Variants in LRRC4C observed in about 807,000 individuals in gnomAD.
LRRC4C encodes leucine rich repeat containing 4C.
In LRRC4C, 5 loss-of-function variants were observed where a neutral mutation model predicts 33.6. The ratio of observed to expected loss-of-function variants is 0.15; its 90% confidence interval spans 0.08 to 0.31. The LOEUF is 0.31. LRRC4C is among the 10% of genes least tolerant of loss of function. The pLI is 1.00. For missense variants in LRRC4C, 560 were observed against 796.7 expected (o/e 0.70, Z 3.58); for synonymous variants, 329 against 302.0 (o/e 1.09, Z -0.93).
chr11:41,167,357 C>T (rs547532932), intron 1 of LRRC4C, among the ~76,000 whole-genome samples: 5 of 152,240 alleles, frequency 3.3e-5, no homozygotes, highest in South Asian at 2.1e-4. Flanking sequence ...GGACAATGAC[C>T]GTGATGATGC....
chr11:41,149,220 C>A (rs1204149567), intron 1 of LRRC4C, among the ~76,000 whole-genome samples: 2 of 152,174 alleles, frequency 1.3e-5, no homozygotes, highest in East Asian at 3.9e-4. Flanking sequence ...AAATGAAGGG[C>A]TGAGGCCGGG....
intron 2 of LRRC4C, among the ~76,000 whole-genome samples, chr11:40,863,317 C>T (rs780363783): frequency 1.3e-5 from 2 of 152,128 alleles, no homozygotes; most frequent in Admixed American, 1.3e-4. Context: ...ATAAAATTTT[C>T]CAAGAAAATG....
At chr11:41,207,802 C>A (rs1423756340) in intron 1 of LRRC4C, among the ~76,000 whole-genome samples, 2 of 152,170 alleles carry the variant, frequency 1.3e-5, no homozygotes, top group Non-Finnish European at 2.9e-5. Flanking sequence ...TCCACCCACT[C>A]TGTAGTATTT....
At chr11:40,772,726 A>G (rs1754120643) in intron 2 of LRRC4C, among the ~76,000 whole-genome samples, 1 of 152,194 alleles carries the variant, frequency 6.6e-6, no homozygotes, top group Non-Finnish European at 1.5e-5. Context: ...ATGTAGAGAA[A>G]CGTGAACCCT....
chr11:40,535,806 G>T (rs1313208936), intron 3 of LRRC4C, among the ~76,000 whole-genome samples: 1 of 152,154 alleles, frequency 6.6e-6, no homozygotes, highest in Non-Finnish European at 1.5e-5. Context: ...CTTACCAAAT[G>T]AGTTGAACTG....
chr11:40,651,676 A>C (rs1014564904), intron 2 of LRRC4C, among the ~76,000 whole-genome samples: 12 of 152,218 alleles, frequency 7.9e-5, no homozygotes, highest in African/African-American at 2.7e-4. Context: ...AGGTGATTCC[A>C]TGGAAGAAAT....
chr11:40,153,462 A>G (rs1191776309), intron 5 of LRRC4C, among the ~76,000 whole-genome samples: 1 of 152,208 alleles, frequency 6.6e-6, no homozygotes, highest in Non-Finnish European at 1.5e-5. Flanking sequence ...CCTGAAAAGG[A>G]ATTCAGGAGG....
intron 3 of LRRC4C, among the ~76,000 whole-genome samples, chr11:40,429,160 G>A (rs973059980): frequency 9.9e-5 from 15 of 152,220 alleles, no homozygotes; most frequent in African/African-American, 3.4e-4. Context: ...TGCAACTTCC[G>A]CCTCCTGGGT....
intron 4 of LRRC4C, among the ~76,000 whole-genome samples, chr11:40,278,287 G>A (rs577175820): frequency 2.0e-5 from 3 of 152,070 alleles, no homozygotes; most frequent in East Asian, 3.9e-4. Context: ...CACCATCCCT[G>A]GGTGGGCAGA....
intron 1 of LRRC4C, among the ~76,000 whole-genome samples, chr11:41,115,565 T>G (rs767952167): frequency 7.2e-5 from 11 of 152,092 alleles, no homozygotes; most frequent in Non-Finnish European, 1.5e-4. Context: ...GTTTTAATTG[T>G]GTTCATTTGC....
intron 2 of LRRC4C, among the ~76,000 whole-genome samples, chr11:40,665,011 G>T (rs1478721961): frequency 6.8e-6 from 1 of 147,642 alleles, no homozygotes; most frequent in East Asian, 2.0e-4. Context: ...ACCTATGAGT[G>T]AGAAAATGCG....
intron 3 of LRRC4C, among the ~76,000 whole-genome samples, chr11:40,381,926 C>A: frequency 6.9e-6 from 1 of 145,816 alleles, no homozygotes; most frequent in Admixed American, 6.9e-5. Context: ...AATAAACAAT[C>A]ATATGGACAA....
intron 1 of LRRC4C, among the ~76,000 whole-genome samples, chr11:41,228,430 C>G (rs1256240218): frequency 6.6e-6 from 1 of 152,016 alleles, no homozygotes; most frequent in South Asian, 2.1e-4. Flanking sequence ...TTTAAAGTTT[C>G]ATTCTGTTGG....
chr11:40,313,644 A>G (rs1224195696), intron 4 of LRRC4C, among the ~76,000 whole-genome samples: 1 of 122,104 alleles, frequency 8.2e-6, no homozygotes, highest in African/African-American at 3.4e-5. Flanking sequence ...GTCTCGCTCT[A>G]TCACCCAGAC....
intron 2 of LRRC4C, among the ~76,000 whole-genome samples, chr11:40,728,167 G>GGAAAAA (rs755972134): frequency 5.3e-5 from 8 of 151,876 alleles, no homozygotes; most frequent in Admixed American, 1.3e-4. Context: ...GCAAGGTTGT[G>GGAAAAA]GAAAAAGAAA....
intron 4 of LRRC4C, among the ~76,000 whole-genome samples, chr11:40,272,772 A>G (rs1942804475): frequency 6.6e-6 from 1 of 152,118 alleles, no homozygotes; most frequent in African/African-American, 2.4e-5. Flanking sequence ...AGCATGTCTT[A>G]TTATAAAAGC....
chr11:40,736,855 C>T (rs567119332), intron 2 of LRRC4C, among the ~76,000 whole-genome samples: 1,786 of 87,226 alleles, frequency 0.02, 20 homozygotes, highest in Middle Eastern at 0.062. Context: ...CTTTTTGATG[C>T]GGTTGTTTTT....
At chr11:40,150,230 T>C (rs1305962471) in intron 5 of LRRC4C, among the ~76,000 whole-genome samples, 1 of 152,202 alleles carries the variant, frequency 6.6e-6, no homozygotes, top group Non-Finnish European at 1.5e-5. Flanking sequence ...TCCAGGATGA[T>C]CTAATCTCAA....
chr11:40,685,045 C>A (rs778420304), intron 2 of LRRC4C, among the ~76,000 whole-genome samples: 2 of 151,774 alleles, frequency 1.3e-5, no homozygotes, highest in Admixed American at 6.6e-5. Context: ...AGAGAAAACC[C>A]AAATGTCTAA....
Sources: gnomAD v4.1 joint callset for allele counts (sites outside exome capture counted in the v4.1 genomes callset) on GRCh38, gnomAD v4.1.1 for gene constraint, MANE v1.5 for transcripts, NCBI Gene and HGNC (gene_info 2026-07-23, HGNC 2026-07-21) for gene names.